Variants in ATG7 observed in about 807,000 individuals in gnomAD.
ATG7 encodes ubiquitin-like modifier-activating enzyme ATG7.
In ATG7, 70 loss-of-function variants were observed where a neutral mutation model predicts 82.4. The observed-to-expected ratio is 0.85, with a 90% CI of 0.70 to 1.04. The LOEUF is 1.04. ATG7 is among the 50% of genes least tolerant of loss of function. ATG7 has a pLI of 0.00. For synonymous variants in ATG7, 287 were observed against 313.0 expected (o/e 0.92, Z 0.88); for missense variants, 792 against 864.3 (o/e 0.92, Z 1.05).
At chr3:11,474,486 G>C (rs1202242363) in intron 20 of ATG7, among the ~76,000 whole-genome samples, 1 of 152,174 alleles carries the variant, frequency 6.6e-6, no homozygotes, top group Non-Finnish European at 1.5e-5. Flanking sequence ...TGTGGTCCCA[G>C]CTACTCTGGA....
chr3:11,401,749 T>C (rs4684776), intron 19 of ATG7, among the ~76,000 whole-genome samples: 45,557 of 151,986 alleles, frequency 0.3, 8,670 homozygotes, highest in African/African-American at 0.5. Context: ...TCCAGGAGGG[T>C]CCCACAACCT....
At chr3:11,286,202 C>T (rs866798933) in intron 3 of ATG7, among the ~76,000 whole-genome samples, 17 of 152,312 alleles carry the variant, frequency 1.1e-4, no homozygotes, top group Middle Eastern at 3.4e-3. Flanking sequence ...CATTAAAATG[C>T]TATATTAATG....
At chr3:11,475,907 A>ACACACACACACACC (rs766157655) in intron 20 of ATG7, among the ~76,000 whole-genome samples, 28 of 146,330 alleles carry the variant, frequency 1.9e-4, no homozygotes, top group East Asian at 8.0e-4. Flanking sequence ...ACACACACAC[A>ACACACACACACACC]CCCCCTCCCA....
chr3:11,406,666 G>T (rs1167008227), intron 19 of ATG7, among the ~76,000 whole-genome samples: 1 of 152,172 alleles, frequency 6.6e-6, no homozygotes, highest in African/African-American at 2.4e-5. Flanking sequence ...CATGGCTGGG[G>T]AGGCCTCACA....
the ATG7 span, among the ~76,000 whole-genome samples, chr3:11,574,785 A>ATGTATGTGTGTGTGTGTGTGTG: frequency 8.2e-6 from 1 of 121,700 alleles, no homozygotes; most frequent in African/African-American, 3.2e-5. Context: ...TCAACTATAT[A>ATGTATGTGTGTGTGTGTGTGTG]TGTGTGTGTG....
At chr3:11,510,032 CCT>C (rs1440413555) in intron 20 of ATG7, among the ~76,000 whole-genome samples, 1 of 152,070 alleles carries the variant, frequency 6.6e-6, no homozygotes, top group African/African-American at 2.4e-5. Flanking sequence ...TCTGGCTTCC[CCT>C]GTTTTCCTCC....
chr3:11,446,547 A>G lies in ATG7; in HGVS notation c.2079+19621A>G, dbSNP rs754613855. 23 of 441,042 alleles carry G rather than the reference A, an allele frequency of 5.2e-5. No homozygotes were observed. The Admixed American group carries it at 5.7e-4, about 11-fold the overall frequency. The allele number at this position is 441,042 out of a possible 1,614,324, so 27.3% of individuals were successfully genotyped here. On this transcript the variant is annotated intron_variant, in intron 20 of 20. Coordinates refer to ENST00000693202, the MANE Select transcript of ATG7 (RefSeq NM_001349232.2). ...TTCTTACATTGATACCTACTGTGACAAAACACACATCCAATGACAGTGTTA... is the reference window on the plus strand; with the variant it reads ...TTCTTACATTGATACCTACTGTGACGAAACACACATCCAATGACAGTGTTA...
chr3:11,457,531 C>A (rs2085858665), intron 20 of ATG7, among the ~76,000 whole-genome samples: 4 of 152,108 alleles, frequency 2.6e-5, no homozygotes. Flanking sequence ...TTGTTCTGTA[C>A]CCAGGAGTTC....
intron 20 of ATG7, among the ~76,000 whole-genome samples, chr3:11,447,777 C>T (rs1006367179): frequency 6.6e-6 from 1 of 152,152 alleles, no homozygotes; most frequent in African/African-American, 2.4e-5. Context: ...CTCTGGACAG[C>T]TGGCAGTAGA....
At chr3:11,573,388 A>G in the ATG7 span, among the ~76,000 whole-genome samples, 2 of 148,716 alleles carry the variant, frequency 1.3e-5, no homozygotes, top group African/African-American at 4.9e-5. Flanking sequence ...AGAAAGAAAG[A>G]AAGAAAGAAA....
At chr3:11,354,557 G>A (rs2075794561) in intron 14 of ATG7, among the ~76,000 whole-genome samples, 1 of 150,066 alleles carries the variant, frequency 6.7e-6, no homozygotes, top group Non-Finnish European at 1.5e-5. Context: ...GCTGAGGCAG[G>A]AGAATCGCTT....
Position 11,333,055 on chromosome 3 carries a change from T to A in ATG7, c.851T>A (p.Ile284Asn). The A allele has an allele frequency of 6.4e-7, 1 of 1,566,608 alleles. No individual in the cohort carries two copies. The highest frequency in any genetic ancestry group is 8.6e-7 in the Non-Finnish European group (1 of 1,156,658). ...QGARDVAHSI[I>N]FEVKLPEMAF... is the part of the protein sequence containing the mutation. Reference sequence around the variant, plus strand: ...GCGAGAGACGTTGCCCACAGCATCATCTTCGAAGTGAAGCTTCCAGAAATG... The same window carrying A: ...GCGAGAGACGTTGCCCACAGCATCAACTTCGAAGTGAAGCTTCCAGAAATG... Residue 284 changes from isoleucine (I) to asparagine (N), a missense_variant, in exon 11 of 21, where the codon ATC becomes AAC. Ile to Asn is a moderately radical substitution (Grantham distance 149). Transcript: ENST00000693202.
At chr3:11,400,249 T>C (rs1398302271) in intron 19 of ATG7, among the ~76,000 whole-genome samples, 4 of 152,212 alleles carry the variant, frequency 2.6e-5, no homozygotes, top group Admixed American at 2.6e-4. Context: ...GAGTCCAATG[T>C]AAGTTTTCAA....
intron 19 of ATG7, among the ~76,000 whole-genome samples, chr3:11,395,800 C>T (rs935699968): frequency 2.0e-5 from 3 of 151,646 alleles, no homozygotes; most frequent in Non-Finnish European, 4.4e-5. Flanking sequence ...ATTAGCCGGG[C>T]GTGGTGGTGG....
intron 19 of ATG7, among the ~76,000 whole-genome samples, chr3:11,426,279 C>T (rs1187051065): frequency 1.3e-5 from 2 of 152,178 alleles, no homozygotes; most frequent in African/African-American, 4.8e-5. Context: ...ATATCAACTA[C>T]TCATGCCATG....
intron 15 of ATG7, 141 bp downstream of exon 15, chr3:11,358,753 G>T: frequency 2.4e-6 from 2 of 843,850 alleles, no homozygotes; most frequent in Non-Finnish European, 3.6e-6. Context: ...TTCTGCTTCA[G>T]ACTCTGTCTT....
intron 20 of ATG7, among the ~76,000 whole-genome samples, chr3:11,493,209 T>A (rs2090540267): frequency 6.6e-6 from 1 of 152,180 alleles, no homozygotes; most frequent in Admixed American, 6.5e-5. Flanking sequence ...GCCAGGTCAC[T>A]CTCCCCTGAA....
intron 20 of ATG7, among the ~76,000 whole-genome samples, chr3:11,448,101 T>G (rs949990232): frequency 7.9e-5 from 12 of 152,180 alleles, no homozygotes; most frequent in African/African-American, 2.9e-4. Flanking sequence ...TCACTCTGCT[T>G]TCTGGATTTA....
At position 11,393,761 on chromosome 3, in the gene ATG7, A is replaced by G. The variant is rs571336449; in HGVS notation, c.1956+13709A>G. Among the ~76,000 whole-genome samples, 18 of 152,028 alleles carry G rather than the reference A, an allele frequency of 1.2e-4. No homozygotes were observed. The South Asian group carries it at 3.5e-3, about 30-fold the overall frequency. On this transcript the variant is annotated intron_variant, in intron 19 of 20. Coordinates refer to ENST00000693202, the MANE Select transcript of ATG7 (RefSeq NM_001349232.2). ...AGAGGTGCGATCTTGGCTCACTGCA[A>G]CCTCCACCTCCAAGGTTCAAGGGAT...
Sources: gnomAD v4.1 joint callset for allele counts (sites outside exome capture counted in the v4.1 genomes callset) on GRCh38, gnomAD v4.1.1 for gene constraint, MANE v1.5 for transcripts, NCBI Gene and HGNC (gene_info 2026-07-23, HGNC 2026-07-21) for gene names.